EZH2: variants seen among roughly 807,000 people sequenced by gnomAD.
EZH2 encodes the protein histone-lysine N-methyltransferase EZH2.
In EZH2, 18 loss-of-function variants were observed where a neutral mutation model predicts 98.4. The ratio of observed to expected loss-of-function variants is 0.18; its 90% CI spans 0.13 to 0.27. The LOEUF (loss-of-function observed/expected upper bound fraction) is 0.27. Among genes scored for constraint, EZH2 ranks in the 10% least tolerant of loss-of-function variants. The probability of loss-of-function intolerance (pLI) is 1.00; values close to 1 mark genes in which losing one functional copy is unlikely to be tolerated. For synonymous variants in EZH2, 338 were observed against 312.3 expected, an observed-to-expected ratio of 1.08 and a Z score of -0.87; for missense variants, 470 against 935.1, an observed-to-expected ratio of 0.50 and a Z score of 6.49.
intron 2 of EZH2, among the ~76,000 whole-genome samples, 196 bp from the exon 3 acceptor site, chr7:148,846,794 A>G (rs768606034): frequency 2.6e-5 from 4 of 151,094 alleles, no homozygotes; most frequent in Non-Finnish European, 4.4e-5. Context: ...TTTTATTGCA[A>G]GTGGTTAGAG....
At chr7:148,819,769 A>T in intron 8 of EZH2, 82 bp from the exon 9 acceptor site, 2 of 1,206,600 alleles carry the variant, frequency 1.7e-6, no homozygotes, top group Middle Eastern at 2.0e-4. Flanking sequence ...TGGAAAAGTC[A>T]ATTAATGGAT....
chr7:148,811,555 A>C, intron 16 of EZH2, 70 bp downstream of exon 16: 3 of 1,260,620 alleles, frequency 2.4e-6, no homozygotes, highest in South Asian at 2.6e-5. Context: ...CTTACCTAAT[A>C]AAATCAATCT....
chr7:148,847,072 G>T, intron 2 of EZH2, 110 bp downstream of exon 2: 2 of 1,302,648 alleles, frequency 1.5e-6, no homozygotes, highest in Non-Finnish European at 1.0e-6. Context: ...TCATCTTATT[G>T]TAAATACAAA....
intron 8 of EZH2, among the ~76,000 whole-genome samples, chr7:148,820,234 A>G (rs1283510822): frequency 6.6e-6 from 1 of 152,166 alleles, no homozygotes; most frequent in East Asian, 1.9e-4. Context: ...TGCCACAGAA[A>G]ATTACAATGT....
At chr7:148,834,352 T>TATATACAC (rs1321608007) in intron 3 of EZH2, among the ~76,000 whole-genome samples, 1 of 143,320 alleles carries the variant, frequency 7.0e-6, no homozygotes, top group African/African-American at 2.6e-5. Flanking sequence ...TATATATATA[T>TATATACAC]ACACACACAC....
intron 1 of EZH2, among the ~76,000 whole-genome samples, chr7:148,873,483 C>T (rs138477115): frequency 0.029 from 3,468 of 120,408 alleles, 162 homozygotes; most frequent in African/African-American, 0.11. Flanking sequence ...CAGAGTGAGA[C>T]TCTGTCTCAA....
intron 19 of EZH2, among the ~76,000 whole-genome samples, chr7:148,808,824 C>G (rs1802256779): frequency 6.6e-6 from 1 of 152,130 alleles, no homozygotes; most frequent in South Asian, 2.1e-4. Context: ...ACCCAGCTGT[C>G]AACAGCAGGG....
At chr7:148,867,385 C>A (rs1264982100) in intron 1 of EZH2, among the ~76,000 whole-genome samples, 1 of 151,898 alleles carries the variant, frequency 6.6e-6, no homozygotes, top group Non-Finnish European at 1.5e-5. Context: ...TCCGTTATAC[C>A]AGCACAAAAC....
At position 148,883,351 on chromosome 7, in the gene EZH2, G is replaced by C. The variant is rs1192301957; in HGVS notation, c.-8+813C>G. The stretch of plus-strand genomic sequence containing the variant: ...ACGCCCTCCAGAAACACAATCAATA[G>C]AGAGCAGAGCAGCTCGACTCTTCCC... On this transcript the variant is annotated intron_variant, in intron 1 of 19. Coordinates refer to ENST00000320356, the MANE Select transcript of EZH2 (RefSeq NM_004456.5). 2.0e-5 allele frequency: 3 copies of C among 152,336 alleles called. No homozygotes were observed. The South Asian group carries it at 6.2e-4, about 32-fold the overall frequency. 9.4% of individuals were successfully genotyped at this position (152,336 alleles called of 1,614,324 possible).
intron 1 of EZH2, among the ~76,000 whole-genome samples, chr7:148,868,308 A>C (rs1462759373): frequency 6.6e-6 from 1 of 152,236 alleles, no homozygotes; most frequent in Non-Finnish European, 1.5e-5. Context: ...AGCAGGCTAT[A>C]CAGGAAGCAT....
chr7:148,856,927 G>C lies in EZH2; in HGVS notation c.-7-9622C>G, dbSNP rs191999015. Among the ~76,000 whole-genome samples the C allele has an allele frequency of 2.0e-5, 3 of 152,312 alleles. No homozygotes were observed. The East Asian group carries it at 5.8e-4, about 29-fold the overall frequency. On this transcript the variant is annotated intron_variant, in intron 1 of 19. Transcript: ENST00000320356. The stretch of plus-strand genomic sequence containing the variant: ...GAGAATTCAATTTCCTTCCCCCTGA[G>C]CGTGAGCTAGATTCAATGATTCACT...
chr7:148,863,734 C>CCA (rs1283189572), intron 1 of EZH2, among the ~76,000 whole-genome samples: 2 of 152,160 alleles, frequency 1.3e-5, no homozygotes, highest in Non-Finnish European at 2.9e-5. Flanking sequence ...CTCAAATAGT[C>CCA]CACTCAACTG....
At chr7:148,850,414 TG>T (rs1815413028) in intron 1 of EZH2, 1 of 844,416 alleles carries the variant, frequency 1.2e-6, no homozygotes, top group Non-Finnish European at 1.4e-6. Context: ...TCTAATATTC[TG>T]GAAGACTTTC....
chr7:148,811,273 C>T (rs1007142779), intron 16 of EZH2, among the ~76,000 whole-genome samples: 1 of 152,136 alleles, frequency 6.6e-6, no homozygotes, highest in Admixed American at 6.5e-5. Flanking sequence ...TGCCTCAGCT[C>T]CCAAGTAGCT....
chr7:148,883,349 T>C (rs1466744269), intron 1 of EZH2: 3 of 152,194 alleles, frequency 2.0e-5, no homozygotes, highest in Non-Finnish European at 4.4e-5. Context: ...ACACAATCAA[T>C]AGAGAGCAGA....
chr7:148,816,502 A>C (rs1276849830), intron 12 of EZH2, among the ~76,000 whole-genome samples, 182 bp downstream of exon 12: 1 of 152,252 alleles, frequency 6.6e-6, no homozygotes, highest in Non-Finnish European at 1.5e-5. Flanking sequence ...AGGCTGCTGT[A>C]TTCTTATAGA....
intron 17 of EZH2, among the ~76,000 whole-genome samples, 172 bp from the exon 18 acceptor site, chr7:148,809,562 T>TG (rs1172154851): frequency 1.3e-5 from 2 of 152,162 alleles, no homozygotes; most frequent in African/African-American, 4.8e-5. Flanking sequence ...AACACACTAT[T>TG]GTTCCAGGTT....
In EZH2 at chr7:148,844,765, A is replaced by G. The variant is rs550217196; in HGVS notation, c.246+1705T>C. On this transcript the variant is annotated intron_variant, in intron 3 of 19. Coordinates refer to ENST00000320356, the MANE Select transcript of EZH2 (RefSeq NM_004456.5). ...ATTAAAAGAAAATTTCAATTAGTAA[A>G]TATCCACTTGAACAAACAATACTCT... 1.1e-4 allele frequency among the ~76,000 whole-genome samples: 16 copies of G among 152,348 alleles called. No homozygotes were observed. The South Asian group carries it at 2.5e-3, about 24-fold the overall frequency.
intron 1 of EZH2, among the ~76,000 whole-genome samples, chr7:148,873,516 A>C (rs1160787038): frequency 2.1e-5 from 3 of 140,246 alleles, no homozygotes; most frequent in Admixed American, 1.4e-4. Context: ...AAAAAGAAAG[A>C]TCATTGTAAG....
Sources: gnomAD v4.1 joint callset for allele counts (sites outside exome capture counted in the v4.1 genomes callset) on GRCh38, gnomAD v4.1.1 for gene constraint, MANE v1.5 for transcripts, NCBI Gene and HGNC (gene_info 2026-07-23, HGNC 2026-07-21) for gene names.